The following UBE3D variants were observed in gnomAD, a reference collection of about 807,000 sequenced individuals.
The protein encoded by UBE3D is E3 ubiquitin-protein ligase E3D.
In UBE3D, 48 loss-of-function variants were observed where a neutral mutation model predicts 49.6. The ratio of observed to expected loss-of-function variants is 0.97; its 90% CI spans 0.77 to 1.23. UBE3D has a LOEUF of 1.23. UBE3D is among the 50% of genes most tolerant of loss of function. The pLI, the probability that UBE3D is intolerant of heterozygous loss-of-function variation, is 0.00. For missense variants in UBE3D, 452 were observed against 468.4 expected (o/e 0.96, Z 0.32); for synonymous variants, 189 against 174.2 (o/e 1.08, Z -0.67).
At chr6:83,041,967 T>C (rs776612832) in intron 4 of UBE3D, among the ~76,000 whole-genome samples, 13 of 152,128 alleles carry the variant, frequency 8.5e-5, no homozygotes, top group Non-Finnish European at 1.8e-4. Context: ...TGGAGTGCAG[T>C]GGTGCAATCT....
chr6:82,957,521 A>G (rs1776250887), intron 8 of UBE3D, 71 bp from the exon 9 acceptor site: 1 of 1,501,308 alleles, frequency 6.7e-7, no homozygotes, highest in East Asian at 2.3e-5. Flanking sequence ...GATATGAAAG[A>G]AGAAAACTCA....
chr6:83,027,456 A>AAAAAAAAAAAAAAAAAAAAAAAC (rs1781558023), intron 5 of UBE3D, among the ~76,000 whole-genome samples: 1 of 148,182 alleles, frequency 6.7e-6, no homozygotes, highest in Non-Finnish European at 1.5e-5. Flanking sequence ...AAAAAAAAAA[A>AAAAAAAAAAAAAAAAAAAAAAAC]AAAAAGAAAC....
intron 9 of UBE3D, among the ~76,000 whole-genome samples, chr6:82,950,057 A>G (rs932472996): frequency 2.6e-5 from 4 of 152,190 alleles, no homozygotes; most frequent in Non-Finnish European, 5.9e-5. Context: ...AAAGGAAACA[A>G]TCAACAAAGT....
At chr6:83,008,254 T>C (rs990879813) in intron 8 of UBE3D, among the ~76,000 whole-genome samples, 3 of 152,162 alleles carry the variant, frequency 2.0e-5, no homozygotes, top group South Asian at 4.1e-4. Context: ...AAATGTCTCC[T>C]GTGAGGCTAA....
chr6:82,945,226 T>G (rs558815711), intron 9 of UBE3D, among the ~76,000 whole-genome samples: 1 of 152,156 alleles, frequency 6.6e-6, no homozygotes, highest in Non-Finnish European at 1.5e-5. Flanking sequence ...ACAGGGGCGA[T>G]TGTGTCACCT....
At chr6:82,933,813 TAATAG>T (rs1345056601) in intron 9 of UBE3D, among the ~76,000 whole-genome samples, 3 of 152,160 alleles carry the variant, frequency 2.0e-5, no homozygotes, top group Admixed American at 1.3e-4. Context: ...GAATTCCAAC[TAATAG>T]CTATACTCAG....
At chr6:83,042,467 T>C (rs1448950856) in intron 4 of UBE3D, among the ~76,000 whole-genome samples, 1 of 152,230 alleles carries the variant, frequency 6.6e-6, no homozygotes, top group African/African-American at 2.4e-5. Context: ...AAATTTCATT[T>C]AAAGAGAATC....
At chr6:82,890,616 C>T (rs1387035699), downstream of UBE3D, among the ~76,000 whole-genome samples, 2 of 152,164 alleles carry the variant, frequency 1.3e-5, no homozygotes, top group African/African-American at 4.8e-5. Flanking sequence ...TCCCTCAGAG[C>T]TTCTCATGGT....
chr6:82,968,823 T>C (rs567135760), intron 8 of UBE3D, among the ~76,000 whole-genome samples: 2 of 152,336 alleles, frequency 1.3e-5, no homozygotes, highest in South Asian at 4.1e-4. Context: ...TGTTGGCTGT[T>C]TGGATTTGCT....
chr6:83,007,084 TAAC>T (rs1177163577), intron 8 of UBE3D, among the ~76,000 whole-genome samples: 2 of 152,052 alleles, frequency 1.3e-5, no homozygotes, highest in African/African-American at 4.8e-5. Flanking sequence ...TGGGAAAAAA[TAAC>T]ATTTTTTAAA....
the UBE3D span, among the ~76,000 whole-genome samples, chr6:82,887,133 G>A: frequency 1.3e-5 from 2 of 150,058 alleles, no homozygotes; most frequent in Non-Finnish European, 3.0e-5. Context: ...GTGAAACCCT[G>A]TCTCTACTAA....
chr6:83,052,507 G>A (rs568999934), intron 3 of UBE3D, among the ~76,000 whole-genome samples: 1 of 152,168 alleles, frequency 6.6e-6, no homozygotes, highest in South Asian at 2.1e-4. Context: ...CAACGAGGGG[G>A]AGACAGAGTG....
chr6:82,940,114 A>G (rs1252619805), intron 9 of UBE3D, among the ~76,000 whole-genome samples: 2 of 152,090 alleles, frequency 1.3e-5, no homozygotes, highest in African/African-American at 4.8e-5. Flanking sequence ...ATCTGACTAA[A>G]TTTCTGGTTA....
chr6:83,005,229 G>T (rs1779888162), intron 8 of UBE3D, among the ~76,000 whole-genome samples: 1 of 151,666 alleles, frequency 6.6e-6, no homozygotes, highest in Non-Finnish European at 1.5e-5. Flanking sequence ...AACACGAAAG[G>T]ATACTCGATA....
chr6:82,887,389 G>GTTTTTGTTTTTTTTTTTTTTTT, the UBE3D span, among the ~76,000 whole-genome samples: 1 of 98,368 alleles, frequency 1.0e-5, no homozygotes, highest in African/African-American at 5.1e-5. Flanking sequence ...GACAGTAACA[G>GTTTTTGTTTTTTTTTTTTTTTT]TTTTTTTTTT....
intron 3 of UBE3D, among the ~76,000 whole-genome samples, chr6:83,052,292 AG>A (rs1335700847): frequency 6.6e-6 from 1 of 152,208 alleles, no homozygotes; most frequent in Non-Finnish European, 1.5e-5. Flanking sequence ...CAGACTCAGA[AG>A]GGACTACCCT....
At chr6:82,894,594 T>G (rs971922523) in intron 9 of UBE3D, among the ~76,000 whole-genome samples, 13 of 152,272 alleles carry the variant, frequency 8.5e-5, no homozygotes, top group African/African-American at 3.1e-4. Context: ...ACTCCCTCTG[T>G]CTTTAACCCT....
At chr6:82,946,300 C>G (rs1775395960) in intron 9 of UBE3D, among the ~76,000 whole-genome samples, 1 of 151,984 alleles carries the variant, frequency 6.6e-6, no homozygotes, top group Non-Finnish European at 1.5e-5. Flanking sequence ...ATCCAATACA[C>G]CTAGCAGCAG....
At position 82,900,121 on chromosome 6, in the gene UBE3D, C is replaced by G. The variant is rs574461681; in HGVS notation, c.1150-7079G>C. Among the ~76,000 whole-genome samples, 8 of 152,306 alleles carry G rather than the reference C, an allele frequency of 5.3e-5. No individual in the cohort carries two copies. In the South Asian group the frequency reaches 1.7e-3, roughly 32 times the overall value. ...GAAGGGAACAGTGGCACTGCTGCAG[C>G]TTTGGCCTAGAGTGGTGTTTTGAAA... On this transcript the variant is annotated intron_variant, in intron 9 of 9. Transcript: ENST00000369747.
Sources: allele counts gnomAD v4.1 joint callset (sites outside exome capture counted in the v4.1 genomes callset), GRCh38; gene constraint gnomAD v4.1.1; transcripts MANE v1.5; gene names NCBI Gene and HGNC (gene_info 2026-07-23, HGNC 2026-07-21).